CDH18: variants seen among roughly 807,000 people sequenced by gnomAD.
The protein encoded by CDH18 is cadherin-18.
A neutral mutation model predicts 67.9 loss-of-function variants in CDH18; 31 were observed. The observed-to-expected ratio is 0.46, with a 90% CI of 0.34 to 0.62. The LOEUF (loss-of-function observed/expected upper bound fraction) is 0.62. Ranked by LOEUF, CDH18 falls within the 20% of genes least tolerant of loss-of-function variation. The probability of loss-of-function intolerance (pLI) is 0.01; values close to 1 mark genes in which losing one functional copy is unlikely to be tolerated. For missense variants in CDH18, 890 were observed against 975.5 expected, an observed-to-expected ratio of 0.91 and a Z score of 1.17; for synonymous variants, 362 against 347.2, an observed-to-expected ratio of 1.04 and a Z score of -0.48.
intron 1 of CDH18, among the ~76,000 whole-genome samples, chr5:20,442,372 A>T (rs1269522277): frequency 6.6e-6 from 1 of 152,028 alleles, no homozygotes; most frequent in Non-Finnish European, 1.5e-5. Flanking sequence ...CTTATGTGAC[A>T]CAGTTCTCAA....
intron 2 of CDH18, among the ~76,000 whole-genome samples, chr5:20,048,121 A>AT (rs112070380): frequency 0.013 from 1,970 of 151,578 alleles, 49 homozygotes; most frequent in African/African-American, 0.045. Context: ...GTAAATTGTA[A>AT]TTTTTTTTCT....
At chr5:20,371,743 G>T (rs895072637) in intron 1 of CDH18, among the ~76,000 whole-genome samples, 1 of 152,230 alleles carries the variant, frequency 6.6e-6, no homozygotes. Context: ...TCCTAAAGGA[G>T]AAGGGCCCTT....
At chr5:20,236,244 T>G (rs1742465777) in intron 2 of CDH18, among the ~76,000 whole-genome samples, 1 of 150,664 alleles carries the variant, frequency 6.6e-6, no homozygotes, top group East Asian at 1.9e-4. Context: ...AAAAAAATAA[T>G]AAATAAATAT....
At chr5:19,574,074 G>T (rs1741898334) in intron 7 of CDH18, among the ~76,000 whole-genome samples, 1 of 152,024 alleles carries the variant, frequency 6.6e-6, no homozygotes, top group African/African-American at 2.4e-5. Flanking sequence ...CACATCTTTT[G>T]GACTTTTCAA....
At chr5:20,030,916 G>A (rs531821583) in intron 2 of CDH18, among the ~76,000 whole-genome samples, 35 of 152,248 alleles carry the variant, frequency 2.3e-4, no homozygotes, top group Non-Finnish European at 4.6e-4. Flanking sequence ...TCTGTCAGAG[G>A]AATTGTGCTG....
At chr5:19,738,217 G>C (rs575455413) in intron 4 of CDH18, among the ~76,000 whole-genome samples, 45 of 151,992 alleles carry the variant, frequency 3.0e-4, no homozygotes, top group African/African-American at 1.0e-3. Context: ...TATAATATCA[G>C]GTGATTTCAA....
chr5:19,562,494 C>G (rs1199581499), intron 8 of CDH18, among the ~76,000 whole-genome samples: 1 of 152,108 alleles, frequency 6.6e-6, no homozygotes, highest in East Asian at 1.9e-4. Context: ...ATTCACTGTA[C>G]CATTATTTAC....
chr5:19,659,225 C>T (rs1756836218), intron 5 of CDH18, among the ~76,000 whole-genome samples: 1 of 152,024 alleles, frequency 6.6e-6, no homozygotes, highest in South Asian at 2.1e-4. Flanking sequence ...ACTGCCACCA[C>T]CATCAAGAGA....
At chr5:19,587,079 T>C (rs1482396243) in intron 7 of CDH18, among the ~76,000 whole-genome samples, 2 of 152,108 alleles carry the variant, frequency 1.3e-5, no homozygotes, top group African/African-American at 2.4e-5. Flanking sequence ...TGCAAATACA[T>C]TTAAGATACT....
chr5:19,632,885 C>T (rs1356645604), intron 5 of CDH18, among the ~76,000 whole-genome samples: 1 of 152,102 alleles, frequency 6.6e-6, no homozygotes, highest in East Asian at 1.9e-4. Context: ...TGAAGCATCA[C>T]CCCATGCTCT....
At chr5:20,426,366 T>C (rs1398290848) in intron 1 of CDH18, among the ~76,000 whole-genome samples, 2 of 151,262 alleles carry the variant, frequency 1.3e-5, no homozygotes, top group African/African-American at 2.5e-5. Context: ...TAGAGGATTC[T>C]TGAGAAATTA....
intron 2 of CDH18, among the ~76,000 whole-genome samples, chr5:20,239,809 C>T (rs985990322): frequency 1.3e-5 from 2 of 151,814 alleles, no homozygotes; most frequent in African/African-American, 4.8e-5. Context: ...CTGTTGCTTG[C>T]TTTTTGTTTA....
At chr5:20,446,954 A>G (rs950326547) in intron 1 of CDH18, among the ~76,000 whole-genome samples, 1 of 152,222 alleles carries the variant, frequency 6.6e-6, no homozygotes, top group Non-Finnish European at 1.5e-5. Context: ...TTGTTAGTAG[A>G]AAATTTCCTG....
intron 2 of CDH18, among the ~76,000 whole-genome samples, chr5:20,062,299 G>A (rs548216117): frequency 6.6e-6 from 1 of 151,908 alleles, no homozygotes; most frequent in African/African-American, 2.4e-5. Context: ...GGGACTATAG[G>A]CATGTGCCAT....
At position 19,550,145 on chromosome 5, in the gene CDH18, G is replaced by GA. The variant is rs886549019; in HGVS notation, c.1254-6141dup. 8.1e-5 allele frequency among the ~76,000 whole-genome samples: 12 copies of GA among 148,820 alleles called. No individual in the cohort carries two copies. In the South Asian group the frequency reaches 1.1e-3, roughly 13 times the overall value. On this transcript the variant is annotated intron_variant, in intron 8 of 12. Coordinates refer to ENST00000382275, the MANE Select transcript of CDH18 (RefSeq NM_004934.5). ...TTGGCTGCTAGACTAGAAAAAGAGA[G>GA]AAAAAAAAAGAAAGAAAAAAGCTTC...
intron 2 of CDH18, among the ~76,000 whole-genome samples, chr5:19,922,784 T>G (rs1368367537): frequency 6.6e-6 from 1 of 152,174 alleles, no homozygotes; most frequent in African/African-American, 2.4e-5. Context: ...GAATAATTAT[T>G]GAAGAATAAA....
intron 2 of CDH18, among the ~76,000 whole-genome samples, chr5:20,005,446 AC>A (rs1736818950): frequency 7.2e-6 from 1 of 138,270 alleles, no homozygotes; most frequent in Admixed American, 7.5e-5. Context: ...ACACACACAC[AC>A]ACTTTCCATG....
At chr5:19,757,387 C>G (rs1461600609) in intron 3 of CDH18, among the ~76,000 whole-genome samples, 1 of 152,194 alleles carries the variant, frequency 6.6e-6, no homozygotes, top group Non-Finnish European at 1.5e-5. Flanking sequence ...CAGTGTTGGT[C>G]TCTGCTGCTG....
chr5:19,500,357 T>C (rs1743037559), intron 11 of CDH18, among the ~76,000 whole-genome samples: 1 of 152,168 alleles, frequency 6.6e-6, no homozygotes, highest in African/African-American at 2.4e-5. Flanking sequence ...GATTCTAATA[T>C]ATTTATATAT....
Sources: allele counts gnomAD v4.1 joint callset (sites outside exome capture counted in the v4.1 genomes callset), GRCh38; gene constraint gnomAD v4.1.1; transcripts MANE v1.5; gene names NCBI Gene and HGNC (gene_info 2026-07-23, HGNC 2026-07-21).